Variants in SLC37A2 observed in about 807,000 individuals in gnomAD.
SLC37A2 encodes solute carrier family 37 member 2, also known as glucose-6-phosphate exchanger SLC37A2.
Under a neutral mutation model 70.7 loss-of-function variants are expected in SLC37A2, and 59 were observed. That is an observed-to-expected ratio of 0.83 (90% CI 0.68 to 1.04). The LOEUF is 1.04. Ranked by LOEUF, SLC37A2 falls within the 50% of genes least tolerant of loss-of-function variation. The probability of loss-of-function intolerance (pLI) is 0.00; values close to 1 mark genes in which losing one functional copy is unlikely to be tolerated. For missense variants in SLC37A2, 580 were observed against 658.1 expected, an observed-to-expected ratio of 0.88 and a Z score of 1.30; for synonymous variants, 257 against 262.1, an observed-to-expected ratio of 0.98 and a Z score of 0.19.
At chr11:125,067,463 AAAT>A (rs1173458586) in intron 1 of SLC37A2, among the ~76,000 whole-genome samples, 1 of 152,244 alleles carries the variant, frequency 6.6e-6, no homozygotes, top group Non-Finnish European at 1.5e-5. Flanking sequence ...ATATTTAGAT[AAAT>A]AATAATATTT....
intron 12 of SLC37A2, 68 bp from the exon 13 acceptor site, chr11:125,084,757 C>T (rs1949186260): frequency 6.5e-7 from 1 of 1,546,086 alleles, no homozygotes; most frequent in Non-Finnish European, 8.9e-7. Context: ...ATGGTTGTTG[C>T]AGACCTCAGG....
In SLC37A2 at chr11:125,063,610, G is replaced by A. The variant is rs1237591859; in HGVS notation, c.59+184G>A. 6.6e-6 allele frequency among the ~76,000 whole-genome samples: 1 copy of A among 151,608 alleles called. No homozygotes were observed. The highest frequency in any genetic ancestry group is 2.4e-5 in the African/African-American group (1 of 40,894). On this transcript the variant is annotated intron_variant, in intron 1 of 17. Transcript: ENST00000403796. The surrounding 1 kb of genome is among the most constrained non-coding windows in gnomAD (Gnocchi z 5.4). Reference sequence around the variant, plus strand: ...GCCTCGGAGGTTGATAACCCTCCCTGCCCAACTCCGCCCGCGCTCCCCCAG... The same window carrying A: ...GCCTCGGAGGTTGATAACCCTCCCTACCCAACTCCGCCCGCGCTCCCCCAG...
At position 125,083,909 on chromosome 11, in the gene SLC37A2, C is replaced by T; in HGVS notation, c.1039+32C>T. ...CCTTGCCCTGCTCTGCCAGCAGGCT[C>T]CCTTCCCCTCTTTTCTTGTGGGGTG... is the stretch of plus-strand genomic sequence containing the variant. On this transcript the variant is annotated intron_variant, in intron 11 of 17. Transcript: ENST00000403796. This position sits in a 1 kb window ranked among gnomAD's most constrained non-coding sequence, Gnocchi z 4.6. 6.2e-7 allele frequency: 1 copy of T among 1,603,142 alleles called. No individual in the cohort carries two copies. The highest frequency in any genetic ancestry group is 8.5e-7 in the Non-Finnish European group (1 of 1,170,080).
chr11:125,079,555 G>C, intron 5 of SLC37A2, 129 bp from the exon 6 acceptor site: 1 of 710,310 alleles, frequency 1.4e-6, no homozygotes, highest in Non-Finnish European at 2.4e-6. Context: ...GGAAGGGTAA[G>C]GTTTGTAGTG....
At chr11:125,072,736 A>C (rs1374079872) in intron 1 of SLC37A2, among the ~76,000 whole-genome samples, 1 of 152,228 alleles carries the variant, frequency 6.6e-6, no homozygotes, top group Non-Finnish European at 1.5e-5. Context: ...CGTCTAGCCT[A>C]GCCCTTAACC....
At chr11:125,087,757 C>T (rs1054652620) in intron 17 of SLC37A2, 10 of 187,394 alleles carry the variant, frequency 5.3e-5, no homozygotes, top group East Asian at 4.5e-4. Context: ...CTCAGCCTCC[C>T]GAGTAGCTGG....
rs575456106 is a variant in SLC37A2, at chr11:125,079,203, T to C, written c.406T>C (p.Tyr136His). ...TTTCACCTCGCTCTTTGGCCTGGGA[T>C]ATTTCTGGAACATCCACGAGCTCTG... ...GLFTSLFGLG[Y>H]FWNIHELWYF... The change falls in exon 5 of 18, where the codon TAT becomes CAT. Residue 136 changes from tyrosine (Y) to histidine (H), a missense_variant. Tyr to His is a moderately conservative substitution (Grantham distance 83). Coordinates refer to ENST00000403796, the MANE Select transcript of SLC37A2 (RefSeq NM_001145290.2). 3.4e-4 allele frequency: 552 copies of C among 1,614,194 alleles called. 7 individuals are homozygous for C. In the South Asian group the frequency reaches 5.8e-3, roughly 17 times the overall value.
In SLC37A2 at chr11:125,077,659, C is replaced by T. The variant is rs570599602; in HGVS notation, c.314+131C>T. 14 of 662,272 alleles carry T rather than the reference C, an allele frequency of 2.1e-5. No homozygotes were observed. The Admixed American group carries it at 3.8e-4, about 18-fold the overall frequency. The allele number at this position is 662,272 out of a possible 1,614,324, so 41.0% of individuals were successfully genotyped here. ...TGTACAATCCACCCACAGCCATCCTCCTTGCCTTACCGCGGTCGCAGAGAC... is the reference window on the plus strand; with the variant it reads ...TGTACAATCCACCCACAGCCATCCTTCTTGCCTTACCGCGGTCGCAGAGAC... On this transcript the variant is annotated intron_variant, in intron 4 of 17. Transcript: ENST00000403796.
At chr11:125,082,977 C>T (rs1949166084) in intron 10 of SLC37A2, among the ~76,000 whole-genome samples, 7 of 152,214 alleles carry the variant, frequency 4.6e-5, no homozygotes, top group Admixed American at 4.6e-4. Context: ...ATAGGTCAGG[C>T]TGCTCTACCA....
intron 6 of SLC37A2, 115 bp downstream of exon 6, chr11:125,079,875 G>A (rs191472265): frequency 2.3e-5 from 18 of 798,304 alleles, no homozygotes; most frequent in Non-Finnish European, 2.8e-5. Context: ...CGGCCTCCAC[G>A]TTGCTGTTCA....
intron 1 of SLC37A2, among the ~76,000 whole-genome samples, chr11:125,065,573 G>A (rs1357453037): frequency 6.6e-6 from 1 of 152,134 alleles, no homozygotes; most frequent in Non-Finnish European, 1.5e-5. Flanking sequence ...CTTTTGGCTT[G>A]TAAACCTGGA....
rs61377012 is a variant in SLC37A2 at position 125,075,762 on chromosome 11, A to T, written c.60-995A>T. Among the ~76,000 whole-genome samples the T allele has an allele frequency of 1.4e-4, 21 of 152,206 alleles. No individual in the cohort carries two copies. The East Asian group carries it at 3.9e-3, about 28-fold the overall frequency. Reference sequence around the variant, plus strand: ...AATTGGGTCTGGGGTGTGGAGGAGGATTCCTAGGCCGAGGGAGCATCCAGT... The same window carrying T: ...AATTGGGTCTGGGGTGTGGAGGAGGTTTCCTAGGCCGAGGGAGCATCCAGT... On this transcript the variant is annotated intron_variant, in intron 1 of 17. Coordinates refer to ENST00000403796, the MANE Select transcript of SLC37A2 (RefSeq NM_001145290.2).
Position 125,084,422 on chromosome 11 carries a change from T to C in SLC37A2, c.1125+103T>C, listed in dbSNP as rs1409458222. On this transcript the variant is annotated intron_variant, in intron 12 of 17. Coordinates refer to ENST00000403796, the MANE Select transcript of SLC37A2 (RefSeq NM_001145290.2). ...CACGCGTTACACACATTGATGTCGC[T>C]GTGTACGCGTGCACATGCATCATTG... 3.5e-6 allele frequency: 4 copies of C among 1,151,090 alleles called. No homozygotes were observed. In the Admixed American group the frequency reaches 7.5e-5, roughly 22 times the overall value. 71.3% of individuals were successfully genotyped at this position (1,151,090 alleles called of 1,614,324 possible).
intron 10 of SLC37A2, among the ~76,000 whole-genome samples, chr11:125,082,679 T>G (rs1368955758): frequency 6.6e-6 from 1 of 152,000 alleles, no homozygotes; most frequent in Non-Finnish European, 1.5e-5. Flanking sequence ...GGTGGTAGCA[T>G]TGGAGGTGCT....
chr11:125,075,162 C>T (rs539157817), intron 1 of SLC37A2, among the ~76,000 whole-genome samples: 16 of 152,348 alleles, frequency 1.1e-4, no homozygotes, highest in South Asian at 1.0e-3. Flanking sequence ...GAACCAGGTG[C>T]GTCCCAGGCG....
intron 4 of SLC37A2, 140 bp from the exon 5 acceptor site, chr11:125,078,972 C>A: frequency 2.9e-6 from 3 of 1,037,174 alleles, no homozygotes; most frequent in South Asian, 1.5e-5. Context: ...CAGAGGTTGG[C>A]CCCGTCACAT....
intron 17 of SLC37A2, 101 bp from the exon 18 acceptor site, chr11:125,088,015 AATG>A: frequency 1.6e-6 from 2 of 1,250,866 alleles, no homozygotes; most frequent in Non-Finnish European, 2.3e-6. Context: ...AGATGAAAGC[AATG>A]ATGAAGGGAC....
At chr11:125,067,185 C>G (rs1334006873) in intron 1 of SLC37A2, among the ~76,000 whole-genome samples, 2 of 152,050 alleles carry the variant, frequency 1.3e-5, no homozygotes, top group African/African-American at 4.8e-5. Context: ...TGCTATGTTG[C>G]CCAGGCTGGT....
chr11:125,086,018 G>A lies in SLC37A2; in HGVS notation c.1490G>A (p.Gly497Glu), dbSNP rs1365323392. Residue 497 changes from glycine (G) to glutamate (E), a missense_variant and splice_region_variant, in exon 17 of 18, where the codon GGG (glycine) becomes GAG (glutamate). Gly to Glu is a moderately conservative substitution (Grantham distance 98, BLOSUM62 -2). Coordinates refer to ENST00000403796, the MANE Select transcript of SLC37A2 (RefSeq NM_001145290.2). Reference protein sequence around the residue: ...AWKVSLSRGSGYKEI With the variant: ...AWKVSLSRGSEYKEI ...AAGGTGTCCCTGAGCAGAGGCAGCG[G>A]GTGAGTCCGGGGAGCTGAAGCTGCC... is the stretch of plus-strand genomic sequence containing the variant. 2 of 1,613,894 alleles carry A rather than the reference G, an allele frequency of 1.2e-6. No individual in the cohort carries two copies. The highest frequency in any genetic ancestry group is 2.2e-5 in the East Asian group (1 of 44,862).
Sources: gnomAD v4.1 joint callset for allele counts (sites outside exome capture counted in the v4.1 genomes callset) on GRCh38, gnomAD v4.1.1 for gene constraint, Gnocchi (gnomAD v3.1) non-coding constraint, MANE v1.5 for transcripts, NCBI Gene and HGNC (gene_info 2026-07-23, HGNC 2026-07-21) for gene names.